Variants in BCL11A observed in about 807,000 individuals in gnomAD.
BCL11A encodes BCL11 transcription factor A, also known as B cell CLL/lymphoma 11A.
A neutral mutation model predicts 55.9 loss-of-function variants in BCL11A; 2 were observed. The ratio of observed to expected loss-of-function variants is 0.04; its 90% confidence interval spans 0.01 to 0.11. The LOEUF (loss-of-function observed/expected upper bound fraction) is 0.11. Among genes scored for constraint, BCL11A ranks in the 10% least tolerant of loss-of-function variants. BCL11A has a pLI of 1.00. For synonymous variants in BCL11A, 465 were observed against 473.4 expected (o/e 0.98, Z 0.23); for missense variants, 817 against 1,137.1 (o/e 0.72, Z 4.05).
At chr2:60,550,389 A>G (rs1406683973) in intron 1 of BCL11A, among the ~76,000 whole-genome samples, 1 of 152,098 alleles carries the variant, frequency 6.6e-6, no homozygotes, top group Non-Finnish European at 1.5e-5. Flanking sequence ...ATTCTGCCTA[A>G]CCGTTCTTTC....
intron 2 of BCL11A, among the ~76,000 whole-genome samples, chr2:60,521,123 A>T (rs953514245): frequency 5.0e-4 from 76 of 151,528 alleles, no homozygotes; most frequent in East Asian, 9.7e-4. Context: ...ACACACACAC[A>T]CTCACACAAA....
chr2:60,488,820 C>T (rs1225062474), intron 2 of BCL11A, among the ~76,000 whole-genome samples: 3 of 150,168 alleles, frequency 2.0e-5, no homozygotes, highest in Non-Finnish European at 4.4e-5. Flanking sequence ...AGTGCAATGG[C>T]GCAATCTCGG....
intron 2 of BCL11A, among the ~76,000 whole-genome samples, chr2:60,504,076 G>A (rs1475401716): frequency 3.3e-5 from 5 of 152,172 alleles, no homozygotes; most frequent in African/African-American, 9.7e-5. Flanking sequence ...GAACTCTGAA[G>A]AGTACCACTC....
At chr2:60,538,733 C>CTGTG (rs1558505064) in intron 2 of BCL11A, among the ~76,000 whole-genome samples, 6 of 64,366 alleles carry the variant, frequency 9.3e-5, no homozygotes, top group African/African-American at 2.5e-4. Flanking sequence ...CTCTCTCTCT[C>CTGTG]TCTCTCTGTG....
At chr2:60,506,530 C>T (rs748436308) in intron 2 of BCL11A, among the ~76,000 whole-genome samples, 44 of 152,192 alleles carry the variant, frequency 2.9e-4, no homozygotes, top group Non-Finnish European at 5.7e-4. Flanking sequence ...CTCAGTGAGC[C>T]GGCCCCAGCT....
chr2:60,474,792 A>C (rs1162754660), intron 2 of BCL11A, among the ~76,000 whole-genome samples: 1 of 152,242 alleles, frequency 6.6e-6, no homozygotes, highest in African/African-American at 2.4e-5. Flanking sequence ...ACAATGCCCA[A>C]AGCAATGGGC....
At chr2:60,451,803 T>C in exon 5 of BCL11A, 2 of 230,322 alleles carry the variant, frequency 8.7e-6, no homozygotes, top group Non-Finnish European at 1.7e-5. Flanking sequence ...AAGCATATAT[T>C]TGAAAAACAG....
At chr2:60,528,273 C>T (rs1669296287) in intron 2 of BCL11A, 1 of 152,424 alleles carries the variant, frequency 6.6e-6, no homozygotes, top group Non-Finnish European at 1.5e-5. Flanking sequence ...GCAGGCCAAG[C>T]CTCACCACTT....
In BCL11A at chr2:60,471,806, C is replaced by G. The variant is rs1572971544; in HGVS notation, c.386-2973G>C. Among the ~76,000 whole-genome samples the G allele has an allele frequency of 3.3e-5, 5 of 152,320 alleles. 1 individual carries two copies. Among genetic ancestry groups the G allele is most frequent in the Admixed American group, 3.3e-4 (5 of 15,308 alleles). On this transcript the variant is annotated intron_variant, in intron 2 of 3. Coordinates refer to ENST00000642384, the MANE Select transcript of BCL11A (RefSeq NM_022893.4). ...GCGCAGACCCAGGCCCACCCCCGAT[C>G]AGCATCACCTGGGAGTTTGTTCAAA...
chr2:60,492,615 C>CCT (rs3028027), intron 2 of BCL11A, among the ~76,000 whole-genome samples: 39,943 of 144,442 alleles, frequency 0.28, 5,482 homozygotes, highest in Middle Eastern at 0.32. Context: ...AGTGGGCCTC[C>CCT]CTCTCTCTCT....
At chr2:60,541,184 G>C (rs1669911392) in intron 2 of BCL11A, among the ~76,000 whole-genome samples, 1 of 151,932 alleles carries the variant, frequency 6.6e-6, no homozygotes, top group African/African-American at 2.4e-5. Flanking sequence ...ATCACACACA[G>C]GATGATCTTC....
chr2:60,457,511 T>C lies in BCL11A; in HGVS notation c.*2893A>G. The C allele has an allele frequency of 9.6e-7, 1 of 1,045,272 alleles. No individual in the cohort carries two copies. Among genetic ancestry groups the C allele is most frequent in the Non-Finnish European group, 1.2e-6 (1 of 866,304 alleles). 64.7% of individuals were successfully genotyped at this position (1,045,272 alleles called of 1,614,324 possible). On this transcript the variant is annotated 3_prime_UTR_variant, in exon 4 of 4. Coordinates refer to ENST00000642384, the MANE Select transcript of BCL11A (RefSeq NM_022893.4). ...CGACAAACAGCTTTCATTACAGGAA[T>C]AGAAAAGGCCAATAACAAAATATTC...
intron 2 of BCL11A, chr2:60,524,434 G>T (rs1177974137): frequency 1.3e-5 from 2 of 151,848 alleles, no homozygotes; most frequent in Non-Finnish European, 2.9e-5. Flanking sequence ...TTTGGGTTGG[G>T]TTAGGGCTAA....
chr2:60,538,730 T>C (rs1393255129), intron 2 of BCL11A, among the ~76,000 whole-genome samples: 2 of 61,780 alleles, frequency 3.2e-5, no homozygotes, highest in Non-Finnish European at 8.1e-5. Flanking sequence ...TCTCTCTCTC[T>C]CTCTCTCTCT....
intron 2 of BCL11A, among the ~76,000 whole-genome samples, chr2:60,473,558 G>A (rs1178237758): frequency 1.3e-5 from 2 of 152,174 alleles, no homozygotes; most frequent in African/African-American, 4.8e-5. Flanking sequence ...CCGATTACTA[G>A]GTTCAAGCCA....
At chr2:60,521,836 G>A (rs1322979444) in intron 2 of BCL11A, among the ~76,000 whole-genome samples, 1 of 152,166 alleles carries the variant, frequency 6.6e-6, no homozygotes, top group African/African-American at 2.4e-5. Flanking sequence ...AGGCACCTGT[G>A]CTGAAACTCA....
At chr2:60,479,983 C>CAA (rs1677861535) in intron 2 of BCL11A, among the ~76,000 whole-genome samples, 2 of 152,340 alleles carry the variant, frequency 1.3e-5, no homozygotes, top group Admixed American at 6.5e-5. Context: ...CTTTCTCACT[C>CAA]AAAAGCTGCT....
At chr2:60,553,093 G>A (rs927407221) in intron 1 of BCL11A, 123 bp downstream of exon 1, 4 of 1,023,196 alleles carry the variant, frequency 3.9e-6, no homozygotes, top group African/African-American at 1.7e-5. Flanking sequence ...ACTCTCGGAG[G>A]TTTTTCTCGT....
intron 2 of BCL11A, chr2:60,543,831 C>G (rs954849563): frequency 1.3e-5 from 2 of 152,228 alleles, no homozygotes; most frequent in Middle Eastern, 3.4e-3. Context: ...TCTTAGAGAG[C>G]TTTTCGTCTC....
Sources: gnomAD v4.1 joint callset for allele counts (sites outside exome capture counted in the v4.1 genomes callset) on GRCh38, gnomAD v4.1.1 for gene constraint, MANE v1.5 for transcripts, NCBI Gene and HGNC (gene_info 2026-07-23, HGNC 2026-07-21) for gene names.